SAMSN1: variants seen among roughly 807,000 people sequenced by gnomAD.
SAMSN1 encodes the protein SAM domain, SH3 domain and nuclear localization signals 1.
SAMSN1 carries 31 observed loss-of-function variants against 42.0 expected under a neutral mutation model. The observed-to-expected ratio is 0.74, with a 90% CI of 0.55 to 1.00. The LOEUF (loss-of-function observed/expected upper bound fraction) is 1.00, where lower values mean the gene tolerates loss of function less well. Among genes scored for constraint, SAMSN1 ranks in the 50% least tolerant of loss-of-function variants. The pLI is 0.00. For missense variants in SAMSN1, 464 were observed against 439.4 expected, an observed-to-expected ratio of 1.06 and a Z score of -0.50; for synonymous variants, 178 against 151.9, an observed-to-expected ratio of 1.17 and a Z score of -1.26.
chr21:14,639,872 C>T (rs778308331), intron 2 of SAMSN1, among the ~76,000 whole-genome samples: 21 of 152,000 alleles, frequency 1.4e-4, no homozygotes, highest in Non-Finnish European at 2.6e-4. Flanking sequence ...TATTATTTCT[C>T]TTTTAAACAT....
intron 7 of SAMSN1, among the ~76,000 whole-genome samples, chr21:14,497,969 C>G (rs1406931205): frequency 2.0e-5 from 3 of 152,168 alleles, no homozygotes; most frequent in African/African-American, 7.2e-5. Context: ...GCTATTATAA[C>G]ATTTTGAAAG....
rs1405503993 is a variant in SAMSN1 at position 14,485,862 on chromosome 21, G to A, written c.*50C>T. ...TCTCCTATTTGACGTTTTAGCTCAA[G>A]AAGAGTTAAAATGGAATGCATCTGT... On this transcript the variant is annotated 3_prime_UTR_variant, in exon 8 of 8. Transcript: ENST00000400566. 1 of 1,402,270 alleles carries A rather than the reference G, an allele frequency of 7.1e-7. No individual in the cohort carries two copies. 86.9% of individuals were successfully genotyped at this position (1,402,270 alleles called of 1,614,324 possible).
At chr21:14,542,118 G>A (rs1251442168) in intron 1 of SAMSN1, among the ~76,000 whole-genome samples, 1 of 152,202 alleles carries the variant, frequency 6.6e-6, no homozygotes, top group Non-Finnish European at 1.5e-5. Flanking sequence ...TTCCTGCATA[G>A]TCAGAGACAG....
At chr21:14,583,534 A>G (rs891654269), upstream of SAMSN1, 2 of 593,152 alleles carry the variant, frequency 3.4e-6, no homozygotes, top group Admixed American at 3.1e-5. Context: ...GCAATAAAAA[A>G]AAATCCTCAA....
intron 3 of SAMSN1, among the ~76,000 whole-genome samples, chr21:14,513,338 G>A (rs1987770497): frequency 6.6e-6 from 1 of 152,112 alleles, no homozygotes; most frequent in South Asian, 2.1e-4. Flanking sequence ...TATACACTCA[G>A]TTTGATTCTC....
intron 2 of SAMSN1, among the ~76,000 whole-genome samples, chr21:14,562,467 G>C (rs184473385): frequency 3.2e-4 from 49 of 151,376 alleles, no homozygotes; most frequent in African/African-American, 1.2e-3. Flanking sequence ...ATCCTGCCAG[G>C]TCCCCTTATT....
At chr21:14,606,359 T>C (rs1013781641) in intron 5 of SAMSN1, among the ~76,000 whole-genome samples, 4 of 152,136 alleles carry the variant, frequency 2.6e-5, no homozygotes, top group Admixed American at 6.5e-5. Flanking sequence ...TTTTTATTAT[T>C]TTTTAAATGT....
chr21:14,608,307 G>A (rs538012151), intron 5 of SAMSN1, among the ~76,000 whole-genome samples: 5 of 152,318 alleles, frequency 3.3e-5, no homozygotes, highest in African/African-American at 1.2e-4. Context: ...TGTGCTTGGG[G>A]AAGGGAGAGC....
chr21:14,559,164 C>T (rs1273125029), intron 2 of SAMSN1, among the ~76,000 whole-genome samples: 2 of 152,158 alleles, frequency 1.3e-5, no homozygotes, highest in African/African-American at 4.8e-5. Flanking sequence ...AGAAAAGAAA[C>T]TTTCTTTACA....
intron 1 of SAMSN1, among the ~76,000 whole-genome samples, chr21:14,657,888 G>A (rs779667013): frequency 2.0e-5 from 3 of 151,746 alleles, no homozygotes; most frequent in African/African-American, 7.3e-5. Flanking sequence ...GTATTACAAC[G>A]TATGTCAGCA....
At chr21:14,512,694 A>G in intron 3 of SAMSN1, 121 bp from the exon 4 acceptor site, 1 of 914,730 alleles carries the variant, frequency 1.1e-6, no homozygotes, top group Non-Finnish European at 1.6e-6. Flanking sequence ...ACATAAGGAT[A>G]AAATACAAAA....
intron 1 of SAMSN1, among the ~76,000 whole-genome samples, chr21:14,540,033 C>A (rs1332999736): frequency 1.3e-5 from 2 of 152,124 alleles, no homozygotes; most frequent in Non-Finnish European, 2.9e-5. Context: ...AGAAAACAAG[C>A]AATGGGGAAA....
chr21:14,519,955 T>A (rs1205139456), intron 2 of SAMSN1, among the ~76,000 whole-genome samples: 2 of 152,204 alleles, frequency 1.3e-5, no homozygotes, highest in African/African-American at 4.8e-5. Context: ...GGTTGATTTC[T>A]GCCTTTGTCA....
rs146191975 is a variant in SAMSN1, at chr21:14,537,854, G to T, written c.57+8351C>A. ...ATGTTTTCATTTCGTAGGCCTGGGGGAGACTGGAAAATGCACATGGCTAAC... is the reference window on the plus strand; with the variant it reads ...ATGTTTTCATTTCGTAGGCCTGGGGTAGACTGGAAAATGCACATGGCTAAC... On this transcript the variant is annotated intron_variant, in intron 1 of 7. Coordinates refer to ENST00000400566, the MANE Select transcript of SAMSN1 (RefSeq NM_022136.5). Among the ~76,000 whole-genome samples the T allele has an allele frequency of 6.1e-3, 932 of 152,266 alleles. 8 individuals carry two copies. The highest frequency in any genetic ancestry group is 0.021 in the African/African-American group (853 of 41,544).
chr21:14,601,397 G>A (rs555571533), intron 6 of SAMSN1, among the ~76,000 whole-genome samples: 1 of 152,250 alleles, frequency 6.6e-6, no homozygotes, highest in Admixed American at 6.5e-5. Context: ...CATATGCTAT[G>A]TACCTTCTAT....
intron 4 of SAMSN1, among the ~76,000 whole-genome samples, chr21:14,610,814 T>G (rs954968672): frequency 6.6e-6 from 1 of 152,254 alleles, no homozygotes; most frequent in South Asian, 2.1e-4. Context: ...TACCCACTTA[T>G]TCCCATGAAC....
At chr21:14,546,424 T>C (rs1247312130), upstream of SAMSN1, 14 of 1,213,858 alleles carry the variant, frequency 1.2e-5, no homozygotes, top group African/African-American at 1.5e-5. Context: ...TTTACATGGG[T>C]AATTTTTTTT....
At chr21:14,527,901 T>C (rs2822750) in intron 1 of SAMSN1, among the ~76,000 whole-genome samples, 73,291 of 151,674 alleles carry the variant, frequency 0.48, 20,499 homozygotes, top group East Asian at 0.72. Context: ...ATTATTTACA[T>C]TGTATCCATA....
chr21:14,656,868 C>T (rs1349728414), intron 1 of SAMSN1, among the ~76,000 whole-genome samples: 2 of 151,798 alleles, frequency 1.3e-5, no homozygotes, highest in Non-Finnish European at 2.9e-5. Flanking sequence ...TATTTAAAAT[C>T]ACCTGCTTCC....
Sources: gnomAD v4.1 joint callset for allele counts (sites outside exome capture counted in the v4.1 genomes callset) on GRCh38, gnomAD v4.1.1 for gene constraint, MANE v1.5 for transcripts, NCBI Gene and HGNC (gene_info 2026-07-23, HGNC 2026-07-21) for gene names.